Variants in HHIPL1 observed in about 807,000 individuals in gnomAD.
HHIPL1 encodes the protein HHIP like 1.
A neutral mutation model predicts 61.8 loss-of-function variants in HHIPL1; 43 were observed. The ratio of observed to expected loss-of-function variants is 0.70; its 90% CI spans 0.55 to 0.90. HHIPL1 has a LOEUF of 0.90. Among genes scored for constraint, HHIPL1 ranks in the 40% least tolerant of loss-of-function variants. The pLI is 0.00. For missense variants in HHIPL1, 1,056 were observed against 1,157.7 expected, an observed-to-expected ratio of 0.91 and a Z score of 1.28; for synonymous variants, 482 against 515.8, an observed-to-expected ratio of 0.93 and a Z score of 0.89.
intron 2 of HHIPL1, 124 bp from the exon 3 acceptor site, chr14:99,656,858 AGGAAGGAAGGAAGGAAGG>A (rs1555377290): frequency 0.01 from 416 of 40,946 alleles, 78 homozygotes; most frequent in Non-Finnish European, 0.014. Context: ...GAAGGAAGGA[AGGAAGGAAGGAAGGAAGG>A]AAGGAAGGAA....
In HHIPL1 at chr14:99,668,248, G is replaced by C. The variant is rs751227664; in HGVS notation, c.1675G>C (p.Glu559Gln). ...AGELYFMSTG[E>Q]PSATAPRGVV... Reference sequence around the variant, plus strand: ...GGAGCTGTACTTCATGTCGACAGGGGAGCCGAGTGCCACAGCTCCACGCGG... The same window carrying C: ...GGAGCTGTACTTCATGTCGACAGGGCAGCCGAGTGCCACAGCTCCACGCGG... The change falls in exon 7 of 9, where the codon GAG becomes CAG. Residue 559 changes from glutamate (E) to glutamine (Q), a missense_variant. Glu to Gln is a conservative substitution (Grantham distance 29). Coordinates refer to ENST00000330710, the MANE Select transcript of HHIPL1 (RefSeq NM_001127258.3). This position sits in a 1 kb window ranked among gnomAD's most constrained non-coding sequence, Gnocchi z 4.7. 1 of 1,612,504 alleles carries C rather than the reference G, an allele frequency of 6.2e-7. No individual in the cohort carries two copies. Among genetic ancestry groups the C allele is most frequent in the Admixed American group, 1.7e-5 (1 of 60,024 alleles).
At chr14:99,616,645 G>A in the HHIPL1 span, among the ~76,000 whole-genome samples, 14 of 152,226 alleles carry the variant, frequency 9.2e-5, 1 homozygote, top group African/African-American at 3.1e-4. Flanking sequence ...AGAGAGATAA[G>A]GCAGGGACTT....
chr14:99,605,382 C>CGGGGT, the HHIPL1 span, among the ~76,000 whole-genome samples: 1 of 19,622 alleles, frequency 5.1e-5, no homozygotes, highest in Non-Finnish European at 4.4e-4. Flanking sequence ...CGGGGCGGGG[C>CGGGGT]GGGGCGGGGG....
chr14:99,652,090 A>G (rs2055940058), intron 1 of HHIPL1, 134 bp from the exon 2 acceptor site: 2 of 763,740 alleles, frequency 2.6e-6, no homozygotes, highest in Admixed American at 2.8e-5. Context: ...TTATCGTGGT[A>G]ACAGGCAGAT....
At chr14:99,638,387 T>C in the HHIPL1 span, among the ~76,000 whole-genome samples, 3 of 152,196 alleles carry the variant, frequency 2.0e-5, no homozygotes, top group Admixed American at 2.0e-4. Context: ...CCAGTCTTTC[T>C]GTAGAAGGGA....
intron 1 of HHIPL1, among the ~76,000 whole-genome samples, chr14:99,647,205 A>C (rs1263305119): frequency 1.3e-5 from 2 of 152,306 alleles, no homozygotes; most frequent in East Asian, 1.9e-4. Flanking sequence ...GGGGAGCTCC[A>C]GAATGCAACA....
At position 99,645,526 on chromosome 14, in the gene HHIPL1, C is replaced by T. The variant is rs572813604; in HGVS notation, c.255+64C>T. ...GGAGGCCGAGTCCTGGAGCAGAGATCGGAACCCCGCGGGGGCGAGGGCCAA... is the reference window on the plus strand; with the variant it reads ...GGAGGCCGAGTCCTGGAGCAGAGATTGGAACCCCGCGGGGGCGAGGGCCAA... On this transcript the variant is annotated intron_variant, in intron 1 of 8. Transcript: ENST00000330710. 63 of 1,238,020 alleles carry T rather than the reference C, an allele frequency of 5.1e-5. No homozygotes were observed. In the African/African-American group the frequency reaches 8.2e-4, roughly 16 times the overall value. 76.7% of individuals were successfully genotyped at this position (1,238,020 alleles called of 1,614,324 possible).
At chr14:99,669,396 G>GAC in intron 7 of HHIPL1, 1 of 934,636 alleles carries the variant, frequency 1.1e-6, no homozygotes, top group South Asian at 4.9e-5. Flanking sequence ...GCCTGAGGTT[G>GAC]CACTCCGAGA....
At chr14:99,639,401 G>A in the HHIPL1 span, among the ~76,000 whole-genome samples, 2 of 152,102 alleles carry the variant, frequency 1.3e-5, no homozygotes, top group Non-Finnish European at 2.9e-5. Flanking sequence ...CCAGGCTGAA[G>A]TGCAGTGATC....
intron 7 of HHIPL1, among the ~76,000 whole-genome samples, chr14:99,670,324 C>T (rs868704567): frequency 1.3e-5 from 2 of 152,344 alleles, no homozygotes; most frequent in Non-Finnish European, 1.5e-5. Context: ...GTTGGCTAGG[C>T]TGGTCTTAAA....
chr14:99,659,774 G>C lies in HHIPL1; in HGVS notation c.1375+18G>C. On this transcript the variant is annotated intron_variant, in intron 4 of 8. Transcript: ENST00000330710. ...CTCTCTCAGTGAGTGCCCGCGCCCC[G>C]GGGACCCCGGCCCCGAATCCGCCCC... 7.3e-7 allele frequency: 1 copy of C among 1,376,478 alleles called. No homozygotes were observed. Among genetic ancestry groups the C allele is most frequent in the South Asian group, 1.6e-5 (1 of 61,376 alleles). The allele number at this position is 1,376,478 out of a possible 1,614,324, so 85.3% of individuals were successfully genotyped here. A position where few individuals can be genotyped will look rare whatever the true frequency, so the allele number is the denominator to read the frequency against.
chr14:99,676,260 G>A lies in HHIPL1; in HGVS notation c.*634G>A, dbSNP rs2056391538. On this transcript the variant is annotated 3_prime_UTR_variant, in exon 9 of 9. Coordinates refer to ENST00000330710, the MANE Select transcript of HHIPL1 (RefSeq NM_001127258.3). ...CTGGAGGGGCAGGCTGCGTGGAGGA[G>A]CCAGCACCTGCTCAGGGAGGATGGC... The A allele has an allele frequency of 6.5e-6, 1 of 152,762 alleles. No homozygotes were observed. The highest frequency in any genetic ancestry group is 6.5e-5 in the Admixed American group (1 of 15,312). The allele number at this position is 152,762 out of a possible 1,614,324, so 9.5% of individuals were successfully genotyped here.
chr14:99,656,662 G>C (rs771465477), intron 2 of HHIPL1, among the ~76,000 whole-genome samples: 1 of 151,680 alleles, frequency 6.6e-6, no homozygotes, highest in Non-Finnish European at 1.5e-5. Flanking sequence ...TGTGATCCCA[G>C]CTACTCAGGA....
chr14:99,672,442 C>T (rs2056336151), intron 8 of HHIPL1, 43 bp downstream of exon 8: 1 of 1,497,862 alleles, frequency 6.7e-7, no homozygotes, highest in Non-Finnish European at 9.1e-7. Flanking sequence ...GGGGAGAGAT[C>T]CCGCAGCCCA....
intron 7 of HHIPL1, 109 bp from the exon 8 acceptor site, chr14:99,672,208 G>A (rs2140094541): frequency 2.5e-6 from 2 of 791,652 alleles, no homozygotes; most frequent in East Asian, 2.7e-5. Context: ...ATGGTGAATG[G>A]CCGCCTGTTA....
chr14:99,669,134 C>A, intron 7 of HHIPL1: 1 of 1,382,892 alleles, frequency 7.2e-7, no homozygotes, highest in Non-Finnish European at 9.4e-7. Flanking sequence ...CTGGGCTACA[C>A]GACTGACTCT....
intron 1 of HHIPL1, among the ~76,000 whole-genome samples, chr14:99,651,530 G>A (rs2055930011): frequency 6.6e-6 from 1 of 152,186 alleles, no homozygotes; most frequent in Non-Finnish European, 1.5e-5. Context: ...GTACCAAGGG[G>A]AGATGGTACT....
chr14:99,611,058 C>G, the HHIPL1 span, among the ~76,000 whole-genome samples: 1 of 152,332 alleles, frequency 6.6e-6, no homozygotes. Context: ...TTGCCCTTGG[C>G]TAAGAACTAC....
Position 99,668,299 on chromosome 14 carries a change from TC to T in HHIPL1, c.1728del (p.Arg577GlyfsTer15). 1.3e-6 allele frequency: 2 copies of T among 1,598,126 alleles called. No homozygotes were observed. The highest frequency in any genetic ancestry group is 1.7e-6 in the Non-Finnish European group (2 of 1,165,598). ...AGTTGTCTACAAAATAATTGACGCATCCAGGTGAGTCCCAGCCTCCAGGACA... is the reference window on the plus strand; with the variant it reads ...AGTTGTCTACAAAATAATTGACGCATCAGGTGAGTCCCAGCCTCCAGGACA... ...RGVVYKIIDASRRAPPGKCQI... is the reference protein window; with the variant it reads ...RGVVYKIIDAXRRAPPGKCQI... On this transcript the variant is annotated frameshift_variant, in exon 7 of 9. Coordinates refer to ENST00000330710, the MANE Select transcript of HHIPL1 (RefSeq NM_001127258.3). LOFTEE classifies it high-confidence loss of function. This position sits in a 1 kb window ranked among gnomAD's most constrained non-coding sequence, Gnocchi z 4.7.
Sources: allele counts gnomAD v4.1 joint callset (sites outside exome capture counted in the v4.1 genomes callset), GRCh38; gene constraint gnomAD v4.1.1; non-coding constraint Gnocchi (gnomAD v3.1); transcripts MANE v1.5; gene names NCBI Gene and HGNC (gene_info 2026-07-23, HGNC 2026-07-21).